ZBTB11: variants seen among roughly 807,000 people sequenced by gnomAD.
ZBTB11 encodes the protein zinc finger and BTB domain containing 11, also known as zinc finger and BTB domain-containing protein 11.
A neutral mutation model predicts 113.1 loss-of-function variants in ZBTB11; 68 were observed. The ratio of observed to expected loss-of-function variants is 0.60; its 90% CI spans 0.49 to 0.74. The LOEUF (loss-of-function observed/expected upper bound fraction) is 0.74, where lower values mean the gene tolerates loss of function less well. Ranked by LOEUF, ZBTB11 falls within the 30% of genes least tolerant of loss-of-function variation. The pLI, the probability that ZBTB11 is intolerant of heterozygous loss-of-function variation, is 0.00. For missense variants in ZBTB11, 1,104 were observed against 1,279.4 expected, an observed-to-expected ratio of 0.86 and a Z score of 2.09; for synonymous variants, 518 against 452.6, an observed-to-expected ratio of 1.14 and a Z score of -1.83.
At position 101,650,581 on chromosome 3, in the gene ZBTB11, AAATAG is replaced by A. The variant is rs1936684720; in HGVS notation, c.*580_*584del. 1 of 152,748 alleles carries A rather than the reference AAATAG, an allele frequency of 6.5e-6. No homozygotes were observed. Among genetic ancestry groups the A allele is most frequent in the East Asian group, 1.9e-4 (1 of 5,190 alleles). The allele number at this position is 152,748 out of a possible 1,614,324, so 9.5% of individuals were successfully genotyped here. On this transcript the variant is annotated 3_prime_UTR_variant, in exon 11 of 11. Transcript: ENST00000312938. The stretch of plus-strand genomic sequence containing the variant: ...CAACATGTAACTCATAAGTGCTTTA[AAATAG>A]AATAAAGCATCCCTGACTTAAAAGG...
intron 5 of ZBTB11, among the ~76,000 whole-genome samples, chr3:101,662,431 C>A (rs936761979): frequency 6.6e-6 from 1 of 152,140 alleles, no homozygotes; most frequent in Non-Finnish European, 1.5e-5. Context: ...TCGAGACCAG[C>A]CTGACCAACA....
In ZBTB11 at chr3:101,676,983, G is replaced by A; in HGVS notation, c.-69C>T. The A allele has an allele frequency of 1.4e-6, 2 of 1,464,842 alleles. No individual in the cohort carries two copies. The highest frequency in any genetic ancestry group is 2.5e-5 in the East Asian group (1 of 40,288). The allele number at this position is 1,464,842 out of a possible 1,614,324, so 90.7% of individuals were successfully genotyped here. A position where few individuals can be genotyped will look rare whatever the true frequency, so the allele number is the denominator to read the frequency against. On this transcript the variant is annotated 5_prime_UTR_variant, in exon 1 of 11. Transcript: ENST00000312938. ...GGAAAACGGCCCGCTACCTACGGGC[G>A]GCTGCAGGAGGAGCGGCGGCACCGT...
chr3:101,673,079 A>C (rs1188821505), intron 1 of ZBTB11, among the ~76,000 whole-genome samples: 1 of 152,236 alleles, frequency 6.6e-6, no homozygotes, highest in African/African-American at 2.4e-5. Flanking sequence ...AGCATACACA[A>C]TCTAACAAAA....
intron 1 of ZBTB11, among the ~76,000 whole-genome samples, chr3:101,676,111 T>A (rs1937164088): frequency 6.6e-6 from 1 of 152,262 alleles, no homozygotes; most frequent in South Asian, 2.1e-4. Flanking sequence ...CACTAGCGAA[T>A]GTGTCCAGAG....
rs551694412 is a variant in ZBTB11 at position 101,660,003 on chromosome 3, C to G, written c.1826G>C (p.Ser609Thr). The G allele has an allele frequency of 1.2e-6, 2 of 1,614,116 alleles. No homozygotes were observed. The highest frequency in any genetic ancestry group is 2.7e-5 in the African/African-American group (2 of 75,058). Residue 609 changes from serine (S) to threonine (T), a missense_variant, in exon 6 of 11, where the codon AGT becomes ACT. Physicochemically the swap from Ser to Thr is moderately conservative, Grantham distance 58 (BLOSUM62 1). Around this residue, in one of 5 missense-constraint regions of ZBTB11, gnomAD observed 535 missense variants for 518.6 expected, o/e 1.03. Transcript: ENST00000312938. ...AATAAGATGTGCTCGCAAAGAGGCACTGTACTGAAACTGTTTTTTACACAA... is the reference window on the plus strand; with the variant it reads ...AATAAGATGTGCTCGCAAAGAGGCAGTGTACTGAAACTGTTTTTTACACAA... ...CPLCKKQFQY[S>T]ASLRAHLIRH... is the part of the protein sequence containing the mutation.
At position 101,677,110 on chromosome 3, in the gene ZBTB11, G is replaced by A. The variant is rs371743952; in HGVS notation, c.-196C>T. On this transcript the variant is annotated 5_prime_UTR_variant, in exon 1 of 11. Coordinates refer to ENST00000312938, the MANE Select transcript of ZBTB11 (RefSeq NM_014415.4). ...AACCAGGGGGAACTGCACTTCTCCA[G>A]CGCGCGGGATCCGCTGGCGACTGAC... 23 of 589,998 alleles carry A rather than the reference G, an allele frequency of 3.9e-5. No homozygotes were observed. The highest frequency in any genetic ancestry group is 5.9e-5 in the Non-Finnish European group (21 of 357,688). 36.5% of individuals were successfully genotyped at this position (589,998 alleles called of 1,614,324 possible).
rs1471739902 is a variant in ZBTB11 at position 101,676,876 on chromosome 3, G to A, written c.39C>T (p.Tyr13=). The change falls in exon 1 of 11, where the codon TAC becomes TAT. Residue 13 remains tyrosine (Y), a synonymous_variant. Transcript: ENST00000312938. The part of the protein sequence containing the change: ...SEESYRAILR[Y]LTNEREPYAP... Reference sequence around the variant, plus strand: ...CATACGGCTCGCGCTCGTTCGTCAGGTAACGCAGGATGGCCCGGTAGCTTT... The same window carrying A: ...CATACGGCTCGCGCTCGTTCGTCAGATAACGCAGGATGGCCCGGTAGCTTT... The A allele has an allele frequency of 1.9e-6, 3 of 1,604,746 alleles. No homozygotes were observed. The highest frequency in any genetic ancestry group is 1.1e-5 in the South Asian group (1 of 90,560).
At chr3:101,656,270 T>G (rs567381918) in intron 6 of ZBTB11, 22 bp from the exon 7 acceptor site, 1 of 1,379,396 alleles carries the variant, frequency 7.2e-7, no homozygotes, top group East Asian at 2.8e-5. Flanking sequence ...CAGGGGTGAT[T>G]AAGTCAATAA....
rs1429443373 is a variant in ZBTB11, at chr3:101,649,380, AAC to A, written c.*1784_*1785del. ...CCCTTTAAAAATAAATTAACTTAAT[AAC>A]ACATCAAGTAACAACTGATTTATGA... On this transcript the variant is annotated 3_prime_UTR_variant, in exon 11 of 11. Transcript: ENST00000312938. 1.3e-5 allele frequency: 2 copies of A among 152,266 alleles called. No homozygotes were observed. Among genetic ancestry groups the A allele is most frequent in the African/African-American group, 4.8e-5 (2 of 41,470 alleles). 9.4% of individuals were successfully genotyped at this position (152,266 alleles called of 1,614,324 possible). A position where few individuals can be genotyped will look rare whatever the true frequency, so the allele number is the denominator to read the frequency against.
At chr3:101,675,150 T>C (rs1937142821) in intron 1 of ZBTB11, among the ~76,000 whole-genome samples, 1 of 152,240 alleles carries the variant, frequency 6.6e-6, no homozygotes, top group African/African-American at 2.4e-5. Flanking sequence ...ATATACAAGC[T>C]TGATCAATGT....
At chr3:101,674,332 G>T (rs1278867645) in intron 1 of ZBTB11, among the ~76,000 whole-genome samples, 1 of 151,006 alleles carries the variant, frequency 6.6e-6, no homozygotes, top group Non-Finnish European at 1.5e-5. Context: ...AAAAAGAGAA[G>T]AAAAGAAAGA....
intron 5 of ZBTB11, among the ~76,000 whole-genome samples, chr3:101,663,882 T>A (rs1322532972): frequency 6.6e-6 from 1 of 152,052 alleles, no homozygotes; most frequent in Non-Finnish European, 1.5e-5. Context: ...AGAACAAGAC[T>A]CCATCTCAAA....
rs11413892 is a variant in ZBTB11, at chr3:101,657,140, CA to C, written c.2047-893del. On this transcript the variant is annotated intron_variant, in intron 6 of 10. Transcript: ENST00000312938. ...TCAGTGACAGAGCAAGAATCAGTCT[CA>C]AAAAAAAAAAAAAAACAAAAAACCC... is the stretch of plus-strand genomic sequence containing the variant. Among the ~76,000 whole-genome samples the C allele has an allele frequency of 9.0e-4, 95 of 105,146 alleles. No individual in the cohort carries two copies. In the East Asian group the frequency reaches 0.014, roughly 16 times the overall value. 69.0% of individuals were successfully genotyped at this position (105,146 alleles called of 152,430 possible).
intron 5 of ZBTB11, among the ~76,000 whole-genome samples, chr3:101,660,531 C>G (rs1244118628): frequency 6.6e-6 from 1 of 152,200 alleles, no homozygotes; most frequent in Non-Finnish European, 1.5e-5. Flanking sequence ...GGCCAACCAT[C>G]TCCACCATAT....
chr3:101,669,906 G>GC (rs1937060078), intron 3 of ZBTB11, among the ~76,000 whole-genome samples: 1 of 150,632 alleles, frequency 6.6e-6, no homozygotes, highest in Non-Finnish European at 1.5e-5. Context: ...TCAGCTCACC[G>GC]CAACGTCCAC....
At chr3:101,663,723 T>C (rs1424842250) in intron 5 of ZBTB11, among the ~76,000 whole-genome samples, 1 of 151,950 alleles carries the variant, frequency 6.6e-6, no homozygotes, top group Non-Finnish European at 1.5e-5. Context: ...AAACCCTGCA[T>C]ATAAAAATAC....
rs184814932 is a variant in ZBTB11 at position 101,666,651 on chromosome 3, A to G, written c.779-843T>C. 2.6e-3 allele frequency among the ~76,000 whole-genome samples: 398 copies of G among 152,372 alleles called. 1 individual carries two copies. Among genetic ancestry groups the G allele is most frequent in the Non-Finnish European group, 3.7e-3 (253 of 68,046 alleles). Reference sequence around the variant, plus strand: ...TCACATGAATCAAAAATCAGAAAAAAGATTACACAGTGATAATTCCATAAC... The same window carrying G: ...TCACATGAATCAAAAATCAGAAAAAGGATTACACAGTGATAATTCCATAAC... On this transcript the variant is annotated intron_variant, in intron 3 of 10. Transcript: ENST00000312938.
At position 101,664,593 on chromosome 3, in the gene ZBTB11, T is replaced by C; in HGVS notation, c.1745A>G (p.Tyr582Cys). 1 of 1,613,854 alleles carries C rather than the reference T, an allele frequency of 6.2e-7. No homozygotes were observed. The highest frequency in any genetic ancestry group is 8.5e-7 in the Non-Finnish European group (1 of 1,179,922). ...TTTCAGTTTGTGCATTATAAGGGCG[T>C]ATCGTCTCTGAAAAACCATTCCACA... is the stretch of plus-strand genomic sequence containing the variant. ...GECGMVFQRRYALIMHKLKHE... is the reference protein window; with the variant it reads ...GECGMVFQRRCALIMHKLKHE... The change falls in exon 5 of 11, where the codon TAC becomes TGC. Residue 582 changes from tyrosine (Y) to cysteine (C), a missense_variant. Physicochemically the swap from Tyr to Cys is radical, Grantham distance 194. Transcript: ENST00000312938.
intron 5 of ZBTB11, among the ~76,000 whole-genome samples, chr3:101,660,557 ATC>A (rs1220470047): frequency 6.6e-6 from 1 of 152,152 alleles, no homozygotes; most frequent in Admixed American, 6.5e-5. Context: ...TTCTAGAGTT[ATC>A]TCTGACTTTG....
Sources: allele counts gnomAD v4.1 joint callset (sites outside exome capture counted in the v4.1 genomes callset), GRCh38; gene constraint gnomAD v4.1.1; regional missense constraint gnomAD v4.1.1; transcripts MANE v1.5; gene names NCBI Gene and HGNC (gene_info 2026-07-23, HGNC 2026-07-21).